The following BTN1A1 variants were observed in gnomAD, a reference collection of about 807,000 sequenced individuals.
The protein encoded by BTN1A1 is bK14H9.2 (butyrophilin, subfamily 1, member A1).
BTN1A1 carries 26 observed loss-of-function variants against 33.1 expected under a neutral mutation model. The observed-to-expected ratio is 0.79, with a 90% confidence interval of 0.58 to 1.09. BTN1A1 has a LOEUF of 1.09. BTN1A1 is among the 50% of genes least tolerant of loss of function. The probability of loss-of-function intolerance (pLI) is 0.00; values close to 1 mark genes in which losing one functional copy is unlikely to be tolerated. For missense variants in BTN1A1, 558 were observed against 655.7 expected, an observed-to-expected ratio of 0.85 and a Z score of 1.63; for synonymous variants, 235 against 256.2, an observed-to-expected ratio of 0.92 and a Z score of 0.79.
In BTN1A1 at chr6:26,501,308, G is replaced by A. The variant is rs763405584; in HGVS notation, c.22G>A (p.Gly8Ser). Reference protein sequence around the residue: MAVFPSSGLPRCLLTLIL... With the variant: MAVFPSSSLPRCLLTLIL... The stretch of plus-strand genomic sequence containing the variant: ...GGAGATGGCAGTTTTCCCAAGCTCC[G>A]GTCTCCCCAGATGTCTGCTCACCCT... Residue 8 changes from glycine to serine, a missense_variant, in exon 2 of 8, where the codon GGT (glycine) becomes AGT (serine). Physicochemically the swap from Gly to Ser is moderately conservative, Grantham distance 56. Coordinates refer to ENST00000684113, the MANE Select transcript of BTN1A1 (RefSeq NM_001732.3). The surrounding 1 kb of genome is among the most constrained non-coding windows in gnomAD (Gnocchi z 5.2). 1.2e-5 allele frequency: 20 copies of A among 1,613,930 alleles called. No individual in the cohort carries two copies. Among genetic ancestry groups the A allele is most frequent in the Non-Finnish European group, 1.5e-5 (18 of 1,180,016 alleles).
intron 4 of BTN1A1, among the ~76,000 whole-genome samples, chr6:26,505,627 T>C (rs1763859573): frequency 6.6e-6 from 1 of 152,094 alleles, no homozygotes; most frequent in South Asian, 2.1e-4. Context: ...GGTTTCACCA[T>C]GTTCCCCAGG....
chr6:26,501,298 C>G lies in BTN1A1; in HGVS notation c.12C>G (p.Phe4Leu). 1 of 1,614,140 alleles carries G rather than the reference C, an allele frequency of 6.2e-7. No individual in the cohort carries two copies. The highest frequency in any genetic ancestry group is 8.5e-7 in the Non-Finnish European group (1 of 1,180,004). MAVFPSSGLPRCLL... is the reference protein window; with the variant it reads MAVLPSSGLPRCLL... ...CAGAAGGGTGGGAGATGGCAGTTTT[C>G]CCAAGCTCCGGTCTCCCCAGATGTC... Residue 4 changes from phenylalanine to leucine, a missense_variant, in exon 2 of 8, where the codon TTC becomes TTG. Transcript: ENST00000684113. This position sits in a 1 kb window ranked among gnomAD's most constrained non-coding sequence, Gnocchi z 5.2.
chr6:26,505,029 A>G lies in BTN1A1; in HGVS notation c.532A>G (p.Arg178Gly), dbSNP rs1763850886. 3 of 1,614,092 alleles carry G rather than the reference A, an allele frequency of 1.9e-6. No individual in the cohort carries two copies. Among genetic ancestry groups the G allele is most frequent in the Non-Finnish European group, 2.5e-6 (3 of 1,180,050 alleles). ...GWYPEPQVQW[R>G]TSKGEKFPST... Reference sequence around the variant, plus strand: ...GTACCCAGAGCCCCAGGTGCAGTGGAGAACTTCCAAGGGAGAGAAGTTTCC... The same window carrying G: ...GTACCCAGAGCCCCAGGTGCAGTGGGGAACTTCCAAGGGAGAGAAGTTTCC... Residue 178 changes from arginine to glycine, a missense_variant, in exon 4 of 8, where the codon AGA becomes GGA. Coordinates refer to ENST00000684113, the MANE Select transcript of BTN1A1 (RefSeq NM_001732.3).
At chr6:26,500,685 G>C (rs908302623) in intron 1 of BTN1A1, among the ~76,000 whole-genome samples, 4 of 152,166 alleles carry the variant, frequency 2.6e-5, no homozygotes, top group Non-Finnish European at 4.4e-5. Context: ...GGGAGGCCAA[G>C]GCGGGTGGAT....
chr6:26,508,672 G>GGAA lies in BTN1A1; in HGVS notation c.1080_1081insAAG (p.Trp360_Glu361insLys). On this transcript the variant is annotated inframe_insertion, in exon 8 of 8. Transcript: ENST00000684113. Reference sequence around the variant, plus strand: ...ACCTTCACCTCAGGAAGGCATTACTGGGAGGTGGAGGTGGGAGACAGGACT... The same window carrying GGAA: ...ACCTTCACCTCAGGAAGGCATTACTGGAAGGAGGTGGAGGTGGGAGACAGGACT... 6.2e-7 allele frequency: 1 copy of GGAA among 1,614,166 alleles called. No homozygotes were observed. Among genetic ancestry groups the GGAA allele is most frequent in the Non-Finnish European group, 8.5e-7 (1 of 1,180,010 alleles).
chr6:26,507,906 G>A (rs577438950), intron 5 of BTN1A1, 44 bp from the exon 6 acceptor site: 209 of 1,609,078 alleles, frequency 1.3e-4, no homozygotes, highest in Middle Eastern at 8.3e-4. Flanking sequence ...CCTCCTTTAC[G>A]TCCACTATAG....
At chr6:26,502,685 G>C (rs568504628) in intron 3 of BTN1A1, among the ~76,000 whole-genome samples, 38 of 152,174 alleles carry the variant, frequency 2.5e-4, no homozygotes, top group Admixed American at 2.4e-3. Context: ...TCCCTGAATT[G>C]TACATTTAAA....
rs1267280500 is a variant in BTN1A1 at position 26,510,048 on chromosome 6, T to C, written c.*874T>C. 6.6e-6 allele frequency: 1 copy of C among 152,560 alleles called. No individual in the cohort carries two copies. The highest frequency in any genetic ancestry group is 1.9e-4 in the East Asian group (1 of 5,200). The allele number at this position is 152,560 out of a possible 1,614,324, so 9.5% of individuals were successfully genotyped here. Reference sequence around the variant, plus strand: ...GACATTCCTAGAAGTCATCCTTCAGTGATATCACCACTTGCTCAGTCACCA... The same window carrying C: ...GACATTCCTAGAAGTCATCCTTCAGCGATATCACCACTTGCTCAGTCACCA... On this transcript the variant is annotated 3_prime_UTR_variant, in exon 8 of 8. Coordinates refer to ENST00000684113, the MANE Select transcript of BTN1A1 (RefSeq NM_001732.3).
intron 5 of BTN1A1, 32 bp downstream of exon 5, chr6:26,506,864 C>A: frequency 6.2e-7 from 1 of 1,610,988 alleles, no homozygotes; most frequent in Non-Finnish European, 8.5e-7. Context: ...GGCTACGTGT[C>A]AGGAGTGCTT....
rs1561884136 is a variant in BTN1A1 at position 26,504,976 on chromosome 6, T to A, written c.479T>A (p.Ile160Asn). 1 of 1,614,152 alleles carries A rather than the reference T, an allele frequency of 6.2e-7. No individual in the cohort carries two copies. The highest frequency in any genetic ancestry group is 8.5e-7 in the Non-Finnish European group (1 of 1,180,016). The change falls in exon 4 of 8, where the codon ATC becomes AAC. Residue 160 changes from isoleucine to asparagine, a missense_variant. Physicochemically the swap from Ile to Asn is moderately radical, Grantham distance 149. Transcript: ENST00000684113. ...ATGCAAGTTCAAGAGAATGGAGAAATCTGTCTGGAGTGCACCTCAGTGGGA... is the reference window on the plus strand; with the variant it reads ...ATGCAAGTTCAAGAGAATGGAGAAAACTGTCTGGAGTGCACCTCAGTGGGA... The part of the protein sequence containing the change: ...ISMQVQENGE[I>N]CLECTSVGWY...
At chr6:26,507,914 T>C (rs1408761182) in intron 5 of BTN1A1, 36 bp from the exon 6 acceptor site, 2 of 1,613,016 alleles carry the variant, frequency 1.2e-6, no homozygotes, top group East Asian at 2.2e-5. Flanking sequence ...ACGTCCACTA[T>C]AGAAAGCCAT....
chr6:26,500,512 T>G (rs1437101500), intron 1 of BTN1A1, among the ~76,000 whole-genome samples, 154 bp downstream of exon 1: 23 of 152,108 alleles, frequency 1.5e-4, no homozygotes, highest in Admixed American at 1.5e-3. Context: ...TTGCTCCATC[T>G]CCTCCCATCT....
chr6:26,502,552 AT>A (rs1168190319), intron 3 of BTN1A1, among the ~76,000 whole-genome samples: 4 of 152,216 alleles, frequency 2.6e-5, no homozygotes, highest in African/African-American at 9.6e-5. Flanking sequence ...GTAGAACTTT[AT>A]TTCAATTATC....
At chr6:26,502,456 T>C (rs1253439072) in intron 3 of BTN1A1, among the ~76,000 whole-genome samples, 2 of 152,136 alleles carry the variant, frequency 1.3e-5, no homozygotes, top group Admixed American at 6.5e-5. Context: ...ACTCCACAGC[T>C]AGAAGGTACT....
chr6:26,504,851 C>T, intron 3 of BTN1A1, 74 bp from the exon 4 acceptor site: 2 of 1,445,106 alleles, frequency 1.4e-6, no homozygotes, highest in Non-Finnish European at 1.9e-6. Context: ...CTTTCTCAAA[C>T]TATGTAGCTC....
rs2113888629 is a variant in BTN1A1, at chr6:26,501,464, C to T, written c.79+99C>T. ...CTCTCCCTGGAGACCTCCACTGGAT[C>T]CAGACAAACTCAGCTGTCAAAGGAG... On this transcript the variant is annotated intron_variant, in intron 2 of 7. Coordinates refer to ENST00000684113, the MANE Select transcript of BTN1A1 (RefSeq NM_001732.3). The surrounding 1 kb of genome is among the most constrained non-coding windows in gnomAD (Gnocchi z 5.2). The T allele has an allele frequency of 6.4e-7, 1 of 1,570,630 alleles. No individual in the cohort carries two copies. Among genetic ancestry groups the T allele is most frequent in the Non-Finnish European group, 8.7e-7 (1 of 1,143,416 alleles).
chr6:26,502,443 A>G, intron 3 of BTN1A1, among the ~76,000 whole-genome samples: 1 of 152,204 alleles, frequency 6.6e-6, no homozygotes, highest in Admixed American at 6.5e-5. Flanking sequence ...TCCCCTGATT[A>G]GGACTCCACA....
At chr6:26,503,482 G>A (rs1238934031) in intron 3 of BTN1A1, among the ~76,000 whole-genome samples, 1 of 150,704 alleles carries the variant, frequency 6.6e-6, no homozygotes. Context: ...AAAAAAAAAA[G>A]AATAAAATAA....
chr6:26,508,261 A>G (rs1055151103), intron 7 of BTN1A1, among the ~76,000 whole-genome samples, 174 bp downstream of exon 7: 2 of 152,156 alleles, frequency 1.3e-5, no homozygotes, highest in Non-Finnish European at 1.5e-5. Flanking sequence ...CCCTTGGAAG[A>G]TGGCACTTCC....
Sources: allele counts gnomAD v4.1 joint callset (sites outside exome capture counted in the v4.1 genomes callset), GRCh38; gene constraint gnomAD v4.1.1; non-coding constraint Gnocchi (gnomAD v3.1); transcripts MANE v1.5; gene names NCBI Gene and HGNC (gene_info 2026-07-23, HGNC 2026-07-21).